Variants in FAT3 observed in about 807,000 individuals in gnomAD.
The protein encoded by FAT3 is FAT atypical cadherin 3, also known as protocadherin Fat 3.
Under a neutral mutation model 310.2 loss-of-function variants are expected in FAT3, and 95 were observed. That is an observed-to-expected ratio of 0.31 (90% CI 0.26 to 0.36). The LOEUF (loss-of-function observed/expected upper bound fraction) is 0.36. FAT3 is among the 10% of genes least tolerant of loss of function. The pLI is 1.00. For synonymous variants in FAT3, 2,314 were observed against 2,192.9 expected (o/e 1.06, Z -1.54); for missense variants, 5,408 against 5,715.6 (o/e 0.95, Z 1.74).
At chr11:92,858,771 T>C (rs1186611067) in intron 20 of FAT3, among the ~76,000 whole-genome samples, 1 of 152,222 alleles carries the variant, frequency 6.6e-6, no homozygotes, top group African/African-American at 2.4e-5. Context: ...CTTTGTTTCA[T>C]GGAGCTGAAA....
chr11:92,644,804 A>T (rs939116818), intron 3 of FAT3, among the ~76,000 whole-genome samples: 3 of 152,226 alleles, frequency 2.0e-5, no homozygotes, highest in Non-Finnish European at 4.4e-5. Flanking sequence ...CGGCTGCCAC[A>T]TCGCATCTCA....
At chr11:92,647,411 C>T (rs1450190656) in intron 3 of FAT3, among the ~76,000 whole-genome samples, 2 of 152,124 alleles carry the variant, frequency 1.3e-5, no homozygotes, top group African/African-American at 4.8e-5. Flanking sequence ...GAATTGTGGA[C>T]ACTGGATTGA....
chr11:92,480,651 C>T (rs893398008), intron 2 of FAT3, among the ~76,000 whole-genome samples: 3 of 152,130 alleles, frequency 2.0e-5, no homozygotes, highest in Non-Finnish European at 4.4e-5. Flanking sequence ...TGTGGCTTTT[C>T]CTGGGAGATC....
At chr11:92,634,967 C>A (rs56049920) in intron 3 of FAT3, among the ~76,000 whole-genome samples, 2 of 152,270 alleles carry the variant, frequency 1.3e-5, no homozygotes, top group Non-Finnish European at 2.9e-5. Flanking sequence ...GCACCCACAG[C>A]GGAAAGGCCT....
intron 2 of FAT3, among the ~76,000 whole-genome samples, chr11:92,405,792 G>A (rs1950124490): frequency 6.6e-6 from 1 of 152,048 alleles, no homozygotes; most frequent in Admixed American, 6.6e-5. Flanking sequence ...AACATTTGGA[G>A]GACTTTTAGA....
intron 3 of FAT3, among the ~76,000 whole-genome samples, chr11:92,592,077 T>A (rs534650195): frequency 6.6e-6 from 1 of 152,176 alleles, no homozygotes; most frequent in African/African-American, 2.4e-5. Flanking sequence ...CACATGTTAA[T>A]AAAACGAGAA....
intron 1 of FAT3, chr11:92,336,146 C>A: frequency 1.8e-6 from 1 of 545,322 alleles, no homozygotes; most frequent in East Asian, 4.8e-5. Flanking sequence ...TGCAGTGGGC[C>A]CACTCTCGCA....
chr11:92,667,457 C>T lies in FAT3; in HGVS notation c.3608-29927C>T, dbSNP rs867545536. Among the ~76,000 whole-genome samples, 17 of 152,260 alleles carry T rather than the reference C, an allele frequency of 1.1e-4. No individual in the cohort carries two copies. The Middle Eastern group carries it at 0.01, about 91-fold the overall frequency. On this transcript the variant is annotated intron_variant, in intron 3 of 27. Coordinates refer to ENST00000525166, the MANE Select transcript of FAT3 (RefSeq NM_001367949.2). ...GAGAACATCACCACACCATCATCAC[C>T]CCTCCCGTCCAAGGTAATTTTGAAC...
intron 3 of FAT3, among the ~76,000 whole-genome samples, chr11:92,694,278 G>A (rs1311067836): frequency 6.6e-6 from 1 of 152,088 alleles, no homozygotes; most frequent in Non-Finnish European, 1.5e-5. Flanking sequence ...TTTATTTCTT[G>A]CCTTTTATTT....
intron 2 of FAT3, among the ~76,000 whole-genome samples, chr11:92,424,748 C>T (rs1441896948): frequency 2.0e-5 from 3 of 152,106 alleles, no homozygotes; most frequent in Non-Finnish European, 4.4e-5. Context: ...CTGATGTTCA[C>T]CTCCTTACGT....
Position 92,353,346 on chromosome 11 carries a change from T to C in FAT3, c.1234T>C (p.Ser412Pro). The part of the protein sequence containing the change: ...PEPIDVEYKL[S>P]PGEDAVYFKI... ...ACCGATAGATGTGGAATACAAATTA[T>C]CTCCTGGTGAGGATGCAGTGTACTT... The change falls in exon 2 of 28, where the codon TCT (serine) becomes CCT (proline). Residue 412 changes from serine to proline, a missense_variant. Physicochemically the swap from Ser to Pro is moderately conservative, Grantham distance 74. This residue lies in a region of FAT3 where 4,588 missense variants were observed against 4,809.8 expected (regional missense o/e 0.95). Transcript: ENST00000525166. The C allele has an allele frequency of 6.2e-7, 1 of 1,613,598 alleles. No individual in the cohort carries two copies. Among genetic ancestry groups the C allele is most frequent in the Non-Finnish European group, 8.5e-7 (1 of 1,179,796 alleles).
chr11:92,554,951 C>G (rs1330381458), intron 3 of FAT3, among the ~76,000 whole-genome samples: 1 of 152,194 alleles, frequency 6.6e-6, no homozygotes. Context: ...GCGCCAGCAG[C>G]ATCATTTTAT....
At chr11:92,309,334 C>G (rs1306901389) in intron 1 of FAT3, among the ~76,000 whole-genome samples, 1 of 150,802 alleles carries the variant, frequency 6.6e-6, no homozygotes, top group Non-Finnish European at 1.5e-5. Context: ...CTTCCCTTCC[C>G]TGTCCATACA....
intron 3 of FAT3, among the ~76,000 whole-genome samples, chr11:92,685,695 T>C (rs2135872280): frequency 6.6e-6 from 1 of 151,952 alleles, no homozygotes; most frequent in East Asian, 1.9e-4. Context: ...GCACAAAAGA[T>C]ACAATGAGTA....
chr11:92,835,379 C>A (rs189503348), intron 15 of FAT3, among the ~76,000 whole-genome samples: 1 of 152,152 alleles, frequency 6.6e-6, no homozygotes, highest in Non-Finnish European at 1.5e-5. Context: ...TTAATGATGG[C>A]CCCCTATGTA....
In FAT3 at chr11:92,368,833, C is replaced by CATATAT. The variant is rs778237959; in HGVS notation, c.3292+13439_3292+13444dup. Among the ~76,000 whole-genome samples, 190 of 140,962 alleles carry CATATAT rather than the reference C, an allele frequency of 1.3e-3. 3 individuals carry two copies. The highest frequency in any genetic ancestry group is 4.7e-3 in the African/African-American group (164 of 34,768). The allele number at this position is 140,962 out of a possible 152,430, so 92.5% of individuals were successfully genotyped here. A position where few individuals can be genotyped will look rare whatever the true frequency, so the allele number is the denominator to read the frequency against. ...TAACAACAGTATGTTTGTGTGTATA[C>CATATAT]ATATATATATATATACACACATACA... is the stretch of plus-strand genomic sequence containing the variant. On this transcript the variant is annotated intron_variant, in intron 2 of 27. Transcript: ENST00000525166.
At chr11:92,563,054 C>A (rs992769187) in intron 3 of FAT3, among the ~76,000 whole-genome samples, 1 of 152,112 alleles carries the variant, frequency 6.6e-6, no homozygotes, top group East Asian at 1.9e-4. Context: ...ATTTTTTGAA[C>A]AGCTTTGAAT....
chr11:92,544,976 T>G (rs983266807), intron 3 of FAT3, among the ~76,000 whole-genome samples: 1 of 152,192 alleles, frequency 6.6e-6, no homozygotes, highest in East Asian at 1.9e-4. Flanking sequence ...TTAAAGAAAT[T>G]TGGTGTCTGT....
chr11:92,488,980 ATAG>A (rs1299030783), intron 2 of FAT3, among the ~76,000 whole-genome samples: 2 of 152,144 alleles, frequency 1.3e-5, no homozygotes, highest in East Asian at 1.9e-4. Flanking sequence ...AAATTGGGTG[ATAG>A]TAGTAGCTTA....
Sources: gnomAD v4.1 joint callset for allele counts (sites outside exome capture counted in the v4.1 genomes callset) on GRCh38, gnomAD v4.1.1 for gene constraint, gnomAD v4.1.1 regional missense constraint, MANE v1.5 for transcripts, NCBI Gene and HGNC (gene_info 2026-07-23, HGNC 2026-07-21) for gene names.